Variants in MCC observed in about 807,000 individuals in gnomAD.
MCC encodes the protein MCC regulator of Wnt signaling pathway.
Under a neutral mutation model 116.2 loss-of-function variants are expected in MCC, and 90 were observed. The observed-to-expected ratio is 0.77, with a 90% CI of 0.65 to 0.92. The LOEUF (loss-of-function observed/expected upper bound fraction) is 0.92. Among genes scored for constraint, MCC ranks in the 40% least tolerant of loss-of-function variants. MCC has a pLI of 0.00. For synonymous variants in MCC, 578 were observed against 510.5 expected, an observed-to-expected ratio of 1.13 and a Z score of -1.78; for missense variants, 1,516 against 1,312.2, an observed-to-expected ratio of 1.16 and a Z score of -2.40.
intron 5 of MCC, among the ~76,000 whole-genome samples, chr5:113,142,963 C>T (rs2150285678): frequency 6.6e-6 from 1 of 152,300 alleles, no homozygotes; most frequent in Middle Eastern, 3.4e-3. Flanking sequence ...ACAACCTCCA[C>T]CTTGTCTACT....
At chr5:113,443,991 T>TTGTGTGTGTGTGTGTGTGTGTGTG (rs34145955) in intron 1 of MCC, among the ~76,000 whole-genome samples, 16 of 144,084 alleles carry the variant, frequency 1.1e-4, no homozygotes, top group African/African-American at 3.2e-4. Context: ...CTCGGCTAAT[T>TTGTGTGTGTGTGTGTGTGTGTGTG]TGTGTGTGTG....
At chr5:113,101,367 T>TGAA in intron 8 of MCC, 1 of 172,298 alleles carries the variant, frequency 5.8e-6, no homozygotes, top group South Asian at 1.2e-4. Context: ...AGAAAAAAAT[T>TGAA]AAAAAGGTAA....
chr5:113,029,460 C>A (rs1235303892), intron 17 of MCC, among the ~76,000 whole-genome samples: 1 of 151,654 alleles, frequency 6.6e-6, no homozygotes, highest in African/African-American at 2.4e-5. Context: ...CTGAACCACT[C>A]AGGTTTAGCA....
At chr5:113,233,563 A>C (rs1764016837) in intron 3 of MCC, among the ~76,000 whole-genome samples, 1 of 152,270 alleles carries the variant, frequency 6.6e-6, no homozygotes, top group East Asian at 1.9e-4. Context: ...AAGGAATAAA[A>C]TGGCTATTTC....
chr5:113,441,277 G>C (rs916463887), intron 1 of MCC, among the ~76,000 whole-genome samples: 2 of 152,150 alleles, frequency 1.3e-5, no homozygotes, highest in Admixed American at 6.5e-5. Flanking sequence ...GGAGGTTACA[G>C]TGAGCCCAGA....
chr5:113,330,539 T>G (rs758402606), intron 3 of MCC, among the ~76,000 whole-genome samples: 1 of 152,186 alleles, frequency 6.6e-6, no homozygotes, highest in Admixed American at 6.5e-5. Flanking sequence ...AGATAAGTCA[T>G]TGGAAGAAGG....
intron 3 of MCC, among the ~76,000 whole-genome samples, chr5:113,339,366 C>A (rs1313406955): frequency 6.6e-6 from 1 of 151,666 alleles, no homozygotes; most frequent in African/African-American, 2.4e-5. Context: ...GATGTTGACA[C>A]ACTATTATTA....
At chr5:113,438,258 T>C (rs1006590184) in intron 1 of MCC, among the ~76,000 whole-genome samples, 17 of 152,144 alleles carry the variant, frequency 1.1e-4, no homozygotes, top group African/African-American at 3.9e-4. Context: ...CTAACTTTTT[T>C]TATTCTATAT....
chr5:113,486,711 T>G (rs1772540152), intron 1 of MCC, among the ~76,000 whole-genome samples: 1 of 151,900 alleles, frequency 6.6e-6, no homozygotes, highest in Non-Finnish European at 1.5e-5. Context: ...GGAGTGGTAG[T>G]GGGCACCTGT....
chr5:113,233,642 G>A (rs1448649585), intron 3 of MCC, among the ~76,000 whole-genome samples: 1 of 152,090 alleles, frequency 6.6e-6, no homozygotes, highest in African/African-American at 2.4e-5. Context: ...CTCTCTCACT[G>A]TCCCTTTGTC....
chr5:113,366,342 C>A (rs1048005718), intron 2 of MCC, among the ~76,000 whole-genome samples: 22 of 151,352 alleles, frequency 1.5e-4, no homozygotes, highest in African/African-American at 5.1e-4. Flanking sequence ...TATGTTAATT[C>A]TTGCTCATGT....
At chr5:113,346,040 A>G (rs1413584025) in intron 2 of MCC, among the ~76,000 whole-genome samples, 1 of 152,218 alleles carries the variant, frequency 6.6e-6, no homozygotes, top group Non-Finnish European at 1.5e-5. Context: ...AGAGTCTGAA[A>G]TAATTAAAAG....
intron 1 of MCC, among the ~76,000 whole-genome samples, chr5:113,388,365 A>G (rs1262323152): frequency 6.6e-6 from 1 of 152,208 alleles, no homozygotes; most frequent in Admixed American, 6.5e-5. Flanking sequence ...GGGGAATTAC[A>G]ATTATCCCCT....
At chr5:113,433,920 T>A (rs748779940) in intron 1 of MCC, 1 of 1,614,026 alleles carries the variant, frequency 6.2e-7, no homozygotes, top group Non-Finnish European at 8.5e-7. Flanking sequence ...GGTGGCAGAC[T>A]TCTTGTCAGA....
intron 4 of MCC, among the ~76,000 whole-genome samples, chr5:113,146,537 C>G: frequency 6.6e-6 from 1 of 151,926 alleles, no homozygotes; most frequent in East Asian, 2.0e-4. Context: ...GCCCAAAGAG[C>G]TCTCTCTTCA....
At chr5:113,367,409 G>A (rs1022802664) in intron 2 of MCC, among the ~76,000 whole-genome samples, 2 of 151,900 alleles carry the variant, frequency 1.3e-5, no homozygotes, top group Non-Finnish European at 2.9e-5. Flanking sequence ...CAAATTTAGT[G>A]TGAAGGCTTT....
chr5:113,048,361 A>C (rs2150219343), intron 16 of MCC, among the ~76,000 whole-genome samples: 1 of 152,312 alleles, frequency 6.6e-6, no homozygotes, highest in East Asian at 1.9e-4. Context: ...CCTTGCACTG[A>C]CCTGCGCCAT....
At chr5:113,084,964 T>A (rs944586142) in intron 9 of MCC, among the ~76,000 whole-genome samples, 200 bp downstream of exon 9, 6 of 152,354 alleles carry the variant, frequency 3.9e-5, no homozygotes, top group Admixed American at 2.6e-4. Flanking sequence ...GGCGTCCAGG[T>A]TGCAGCTGAG....
chr5:113,074,162 G>C (rs796451827), intron 11 of MCC, among the ~76,000 whole-genome samples: 1 of 152,194 alleles, frequency 6.6e-6, no homozygotes, highest in Admixed American at 6.5e-5. Flanking sequence ...ATACAGCTGG[G>C]TGCCCCTTTG....
Sources: gnomAD v4.1 joint callset for allele counts (sites outside exome capture counted in the v4.1 genomes callset) on GRCh38, gnomAD v4.1.1 for gene constraint, MANE v1.5 for transcripts, NCBI Gene and HGNC (gene_info 2026-07-23, HGNC 2026-07-21) for gene names.